Variants in MAP3K8 observed in about 807,000 individuals in gnomAD.
MAP3K8 encodes Ewing sarcoma transformant.
MAP3K8 carries 22 observed loss-of-function variants against 45.8 expected under a neutral mutation model. The ratio of observed to expected loss-of-function variants is 0.48; its 90% CI spans 0.34 to 0.69. The LOEUF (loss-of-function observed/expected upper bound fraction) is 0.69. Ranked by LOEUF, MAP3K8 falls within the 30% of genes least tolerant of loss-of-function variation. The pLI, the probability that MAP3K8 is intolerant of heterozygous loss-of-function variation, is 0.01. For synonymous variants in MAP3K8, 223 were observed against 214.3 expected (o/e 1.04, Z -0.36); for missense variants, 419 against 585.0 (o/e 0.72, Z 2.93).
At chr10:30,444,133 T>C (rs558823712) in intron 3 of MAP3K8, among the ~76,000 whole-genome samples, 1 of 151,162 alleles carries the variant, frequency 6.6e-6, no homozygotes, top group African/African-American at 2.4e-5. Flanking sequence ...GAAGCTGCAG[T>C]GAGCTGTGAT....
chr10:30,435,839 C>T (rs1171681994), intron 1 of MAP3K8, among the ~76,000 whole-genome samples: 2 of 152,126 alleles, frequency 1.3e-5, no homozygotes, highest in South Asian at 2.1e-4. Context: ...CCACTGTGCC[C>T]GGCCTAAAAA....
At chr10:30,460,160 G>A (rs1836884996) in intron 8 of MAP3K8, among the ~76,000 whole-genome samples, 2 of 152,120 alleles carry the variant, frequency 1.3e-5, no homozygotes, top group African/African-American at 4.8e-5. Context: ...TTTATATTAA[G>A]CCACCCCAGT....
chr10:30,434,437 C>A, intron 1 of MAP3K8, 59 bp downstream of exon 1: 1 of 985,478 alleles, frequency 1.0e-6, no homozygotes, highest in Non-Finnish European at 1.2e-6. Flanking sequence ...CCTGGGTGCC[C>A]CGGGGATTCC....
intron 4 of MAP3K8, among the ~76,000 whole-genome samples, chr10:30,448,690 C>T (rs1836430465): frequency 6.6e-6 from 1 of 152,126 alleles, no homozygotes; most frequent in Non-Finnish European, 1.5e-5. Context: ...GCCTAGCCTT[C>T]CAAAGTGCTG....
chr10:30,454,552 C>G (rs1046735633), intron 6 of MAP3K8, among the ~76,000 whole-genome samples: 1 of 125,172 alleles, frequency 8.0e-6, no homozygotes, highest in African/African-American at 2.6e-5. Context: ...GAAAATAGAA[C>G]AAGACCTTGT....
chr10:30,460,832 G>T lies in MAP3K8; in HGVS notation c.1400G>T (p.Gly467Val). 6.2e-7 allele frequency: 1 copy of T among 1,613,410 alleles called. No individual in the cohort carries two copies. ...CGGGGACCACCAACGCTTGAATATG[G>T]CTGAAGGATGCCATGTTTGCTCTAA... ...LVRGPPTLEY[G>V] Residue 467 changes from glycine (G) to valine (V), a missense_variant, in exon 9 of 9, where the codon GGC becomes GTC. Physicochemically the swap from Gly to Val is moderately radical, Grantham distance 109. This residue lies in a region of MAP3K8 where 108 missense variants were observed against 124.2 expected (regional missense o/e 0.87). Coordinates refer to ENST00000263056, the MANE Select transcript of MAP3K8 (RefSeq NM_005204.4).
chr10:30,460,466 C>G (rs1006891925), intron 8 of MAP3K8, among the ~76,000 whole-genome samples: 3 of 152,196 alleles, frequency 2.0e-5, no homozygotes, highest in African/African-American at 7.2e-5. Flanking sequence ...AGAGAGCAAT[C>G]TGGCTGTTGG....
intron 6 of MAP3K8, among the ~76,000 whole-genome samples, chr10:30,453,832 A>T (rs1836633417): frequency 6.6e-6 from 1 of 151,158 alleles, no homozygotes; most frequent in South Asian, 2.1e-4. Flanking sequence ...TGGGGGTTCG[A>T]GACCAGCCTG....
intron 3 of MAP3K8, among the ~76,000 whole-genome samples, chr10:30,443,829 C>A (rs1836206115): frequency 6.6e-6 from 1 of 152,178 alleles, no homozygotes; most frequent in Admixed American, 6.5e-5. Context: ...CTTATAATGC[C>A]TGCCCTTACA....
At chr10:30,457,009 G>A (rs939336511) in intron 6 of MAP3K8, among the ~76,000 whole-genome samples, 3 of 151,960 alleles carry the variant, frequency 2.0e-5, no homozygotes, top group African/African-American at 4.8e-5. Flanking sequence ...GCTTGAACCC[G>A]GGAGGCAGAG....
chr10:30,447,067 A>G (rs1202877416), intron 3 of MAP3K8, among the ~76,000 whole-genome samples: 1 of 152,156 alleles, frequency 6.6e-6, no homozygotes, highest in African/African-American at 2.4e-5. Flanking sequence ...CAATTTTTGA[A>G]TCAACTAGTT....
chr10:30,443,346 G>C (rs934207462), intron 3 of MAP3K8, among the ~76,000 whole-genome samples: 1 of 152,178 alleles, frequency 6.6e-6, no homozygotes, highest in African/African-American at 2.4e-5. Flanking sequence ...AAATGAACTC[G>C]AGGCATTGTG....
At chr10:30,450,840 G>C (rs923890652) in intron 5 of MAP3K8, among the ~76,000 whole-genome samples, 8 of 151,952 alleles carry the variant, frequency 5.3e-5, no homozygotes, top group African/African-American at 1.9e-4. Flanking sequence ...TCAGCACTTT[G>C]GGATGCTGTG....
chr10:30,441,080 A>G (rs1248559236), intron 3 of MAP3K8, among the ~76,000 whole-genome samples: 1 of 152,210 alleles, frequency 6.6e-6, no homozygotes, highest in East Asian at 1.9e-4. Flanking sequence ...GTATCAGCAA[A>G]GGGTTTGAGT....
Position 30,461,461 on chromosome 10 carries a change from A to C in MAP3K8, c.*625A>C, listed in dbSNP as rs1836936993. The C allele has an allele frequency of 5.0e-6, 1 of 198,274 alleles. No individual in the cohort carries two copies. Among genetic ancestry groups the C allele is most frequent in the African/African-American group, 2.3e-5 (1 of 43,440 alleles). The allele number at this position is 198,274 out of a possible 1,614,324, so 12.3% of individuals were successfully genotyped here. A position where few individuals can be genotyped will look rare whatever the true frequency, so the allele number is the denominator to read the frequency against. ...CCTATGGAAACATTTTATACTGTAC[A>C]TGCTATGCTGAAGACATTCAAAACG... On this transcript the variant is annotated 3_prime_UTR_variant, in exon 9 of 9. Transcript: ENST00000263056.
In MAP3K8 at chr10:30,439,040, T is replaced by C. The variant is rs1292765371; in HGVS notation, c.102T>C (p.Tyr34=). 4.3e-6 allele frequency: 7 copies of C among 1,613,914 alleles called. No homozygotes were observed. The Admixed American group carries it at 6.7e-5, about 15-fold the overall frequency. The change falls in exon 3 of 9, where the codon TAT becomes TAC. Residue 34 remains tyrosine (Y), a synonymous_variant. Transcript: ENST00000263056. ...SDVIDIMENL[Y]ASEEPAVYEP... is the part of the protein sequence containing the mutation. Reference sequence around the variant, plus strand: ...TAATAGACATTATGGAAAATCTTTATGCAAGTGAAGAGCCAGCAGTTTATG... The same window carrying C: ...TAATAGACATTATGGAAAATCTTTACGCAAGTGAAGAGCCAGCAGTTTATG...
Position 30,460,905 on chromosome 10 carries a change from C to G in MAP3K8, c.*69C>G. ...GGAGGCTGGTTCTGCTGCCTCTACA[C>G]AGGGGCCCTGTACAGTGAATGGTGC... On this transcript the variant is annotated 3_prime_UTR_variant, in exon 9 of 9. Coordinates refer to ENST00000263056, the MANE Select transcript of MAP3K8 (RefSeq NM_005204.4). The G allele has an allele frequency of 6.3e-7, 1 of 1,589,696 alleles. No homozygotes were observed. Among genetic ancestry groups the G allele is most frequent in the Non-Finnish European group, 8.5e-7 (1 of 1,169,934 alleles).
At chr10:30,447,384 G>C (rs952380750) in intron 3 of MAP3K8, among the ~76,000 whole-genome samples, 1 of 152,176 alleles carries the variant, frequency 6.6e-6, no homozygotes, top group Admixed American at 6.5e-5. Context: ...GTGAGTAATA[G>C]CTATGTGGAC....
intron 6 of MAP3K8, 43 bp downstream of exon 6, chr10:30,451,787 TA>T: frequency 3.6e-6 from 4 of 1,111,898 alleles, no homozygotes; most frequent in Non-Finnish European, 5.2e-6. Flanking sequence ...TTATTAAGAA[TA>T]AAAAGGAAAA....
Sources: gnomAD v4.1 joint callset for allele counts (sites outside exome capture counted in the v4.1 genomes callset) on GRCh38, gnomAD v4.1.1 for gene constraint, gnomAD v4.1.1 regional missense constraint, MANE v1.5 for transcripts, NCBI Gene and HGNC (gene_info 2026-07-23, HGNC 2026-07-21) for gene names.